The following SLC9A1 variants were observed in gnomAD, a reference collection of about 807,000 sequenced individuals.
SLC9A1 encodes the protein solute carrier family 9 member A1, also known as sodium/hydrogen exchanger 1.
Under a neutral mutation model 67.9 loss-of-function variants are expected in SLC9A1, and 22 were observed. The observed-to-expected ratio is 0.32, with a 90% CI of 0.23 to 0.46. SLC9A1 has a LOEUF of 0.46. Among genes scored for constraint, SLC9A1 ranks in the 20% least tolerant of loss-of-function variants. The pLI, the probability that SLC9A1 is intolerant of heterozygous loss-of-function variation, is 1.00. For synonymous variants in SLC9A1, 421 were observed against 471.8 expected, an observed-to-expected ratio of 0.89 and a Z score of 1.40; for missense variants, 686 against 1,094.8, an observed-to-expected ratio of 0.63 and a Z score of 5.27.
At chr1:27,153,704 T>C (rs1214382504) in intron 1 of SLC9A1, among the ~76,000 whole-genome samples, 4 of 152,214 alleles carry the variant, frequency 2.6e-5, no homozygotes, top group African/African-American at 9.6e-5. Context: ...TTGCCAGTCG[T>C]GGAAGCCTTA....
Position 27,142,642 on chromosome 1 carries a change from G to A in SLC9A1, c.352+11341C>T, listed in dbSNP as rs1557433941. On this transcript the variant is annotated intron_variant, in intron 1 of 11. Transcript: ENST00000263980. ...CTAGCCGCTTTAGGGAAATGGGCAG[G>A]TGGCCTGAGTCACCTACTGTGTGTG... 2.0e-5 allele frequency among the ~76,000 whole-genome samples: 3 copies of A among 152,188 alleles called. No individual in the cohort carries two copies. The South Asian group carries it at 6.2e-4, about 32-fold the overall frequency.
rs137865865 is a variant in SLC9A1 at position 27,144,766 on chromosome 1, T to C, written c.352+9217A>G. 1.7e-3 allele frequency among the ~76,000 whole-genome samples: 253 copies of C among 152,304 alleles called. 1 individual carries two copies. Among genetic ancestry groups the C allele is most frequent in the African/African-American group, 5.6e-3 (232 of 41,564 alleles). ...GCTCACGCCTTTAATCTCCGCACTT[T>C]GGGAGGCCAAGGTGGGTGGATCACC... is the stretch of plus-strand genomic sequence containing the variant. On this transcript the variant is annotated intron_variant, in intron 1 of 11. Transcript: ENST00000263980.
intron 1 of SLC9A1, among the ~76,000 whole-genome samples, chr1:27,130,096 T>TTTTG (rs575973147): frequency 6.7e-4 from 102 of 152,162 alleles, no homozygotes; most frequent in African/African-American, 2.3e-3. Flanking sequence ...TGGTCTTTCA[T>TTTTG]TTTGTTTGTT....
intron 3 of SLC9A1, 28 bp from the exon 4 acceptor site, chr1:27,107,893 C>G (rs1439179593): frequency 6.5e-7 from 1 of 1,528,280 alleles, no homozygotes; most frequent in Admixed American, 1.9e-5. Context: ...GGGGTCAGGG[C>G]TCCGTGTCGA....
chr1:27,110,824 T>C (rs1028544751), intron 2 of SLC9A1, among the ~76,000 whole-genome samples: 3 of 152,098 alleles, frequency 2.0e-5, no homozygotes, highest in African/African-American at 4.8e-5. Context: ...CCTACTCAAG[T>C]CTGTCCTAGA....
intron 1 of SLC9A1, among the ~76,000 whole-genome samples, chr1:27,132,971 C>T (rs899918735): frequency 5.9e-5 from 9 of 152,026 alleles, no homozygotes; most frequent in African/African-American, 1.2e-4. Context: ...CACCTGGCCC[C>T]GTACCATGGA....
In SLC9A1 at chr1:27,109,284, T is replaced by C. The variant is rs147929921; in HGVS notation, c.1064+243A>G. ...TGCTTCATCTGCTCATAGCCTGAAA[T>C]GCCCTCTCCCGATTCCTGGACCCCA... On this transcript the variant is annotated intron_variant, in intron 3 of 11. Coordinates refer to ENST00000263980, the MANE Select transcript of SLC9A1 (RefSeq NM_003047.5). The surrounding 1 kb of genome is among the most constrained non-coding windows in gnomAD (Gnocchi z 5.5). Among the ~76,000 whole-genome samples, 1,433 of 152,256 alleles carry C rather than the reference T, an allele frequency of 9.4e-3. 21 individuals carry two copies. Among genetic ancestry groups the C allele is most frequent in the African/African-American group, 0.03 (1,249 of 41,540 alleles).
At chr1:27,110,475 G>T (rs1317827263) in intron 2 of SLC9A1, among the ~76,000 whole-genome samples, 1 of 152,176 alleles carries the variant, frequency 6.6e-6, no homozygotes, top group Non-Finnish European at 1.5e-5. Context: ...AGATGCTATG[G>T]AATTAGAGGC....
chr1:27,115,478 G>A (rs1201623511), intron 1 of SLC9A1, among the ~76,000 whole-genome samples: 1 of 152,150 alleles, frequency 6.6e-6, no homozygotes, highest in Non-Finnish European at 1.5e-5. Context: ...TATGCTCCCA[G>A]GGTTGGCATA....
chr1:27,146,337 G>C (rs2083485220), intron 1 of SLC9A1, among the ~76,000 whole-genome samples: 1 of 152,188 alleles, frequency 6.6e-6, no homozygotes, highest in Non-Finnish European at 1.5e-5. Context: ...CTCTGAGAAA[G>C]GTTATTTGCT....
At chr1:27,124,957 G>A (rs1364815897) in intron 1 of SLC9A1, among the ~76,000 whole-genome samples, 1 of 152,016 alleles carries the variant, frequency 6.6e-6, no homozygotes, top group Non-Finnish European at 1.5e-5. Flanking sequence ...AAATGCACAG[G>A]AGCTGGGTGC....
At chr1:27,130,011 G>A (rs2083374204) in intron 1 of SLC9A1, among the ~76,000 whole-genome samples, 1 of 152,212 alleles carries the variant, frequency 6.6e-6, no homozygotes, top group South Asian at 2.1e-4. Flanking sequence ...GGGAGCAGGA[G>A]CCCTGGTTTA....
chr1:27,119,042 A>AACACACACACACAC lies in SLC9A1; in HGVS notation c.353-4770_353-4757dup, dbSNP rs35231148. Among the ~76,000 whole-genome samples the AACACACACACACAC allele has an allele frequency of 5.7e-5, 8 of 139,444 alleles. No homozygotes were observed. The East Asian group carries it at 8.7e-4, about 15-fold the overall frequency. The allele number at this position is 139,444 out of a possible 152,430, so 91.5% of individuals were successfully genotyped here. A position where few individuals can be genotyped will look rare whatever the true frequency, so the allele number is the denominator to read the frequency against. On this transcript the variant is annotated intron_variant, in intron 1 of 11. Transcript: ENST00000263980. ...TCTAGTGTAGGTGGTAGCTGGAACG[A>AACACACACACACAC]ACACACACACACACACACACACACA...
At chr1:27,105,592 C>T (rs2083177856) in intron 5 of SLC9A1, 1 of 648,444 alleles carries the variant, frequency 1.5e-6, no homozygotes, top group Non-Finnish European at 2.9e-6. Flanking sequence ...GTCACCGTGC[C>T]CGGCCAGTAC....
In SLC9A1 at chr1:27,147,925, C is replaced by T. The variant is rs561222395; in HGVS notation, c.352+6058G>A. ...AGGAGAATTGCTTGAACCCAAGAGG[C>T]AGAGGTTGCAGTGAGCTGAGATTGC... On this transcript the variant is annotated intron_variant, in intron 1 of 11. Coordinates refer to ENST00000263980, the MANE Select transcript of SLC9A1 (RefSeq NM_003047.5). Among the ~76,000 whole-genome samples the T allele has an allele frequency of 7.2e-5, 11 of 152,036 alleles. No individual in the cohort carries two copies. In the South Asian group the frequency reaches 2.3e-3, roughly 32 times the overall value.
At chr1:27,132,310 G>C (rs964322905) in intron 1 of SLC9A1, among the ~76,000 whole-genome samples, 2 of 152,068 alleles carry the variant, frequency 1.3e-5, no homozygotes, top group African/African-American at 4.8e-5. Flanking sequence ...GGAGAGGAAA[G>C]AACACTGTCC....
At chr1:27,129,767 C>A (rs12093902) in intron 1 of SLC9A1, among the ~76,000 whole-genome samples, 1 of 152,184 alleles carries the variant, frequency 6.6e-6, no homozygotes, top group Admixed American at 6.5e-5. Context: ...GCCAACCCCC[C>A]CATTCCACTC....
chr1:27,142,072 G>T (rs1017951903), intron 1 of SLC9A1, among the ~76,000 whole-genome samples: 6 of 152,230 alleles, frequency 3.9e-5, no homozygotes, highest in African/African-American at 1.2e-4. Context: ...TCTCTGCCAA[G>T]GACAGCTCCC....
At chr1:27,130,009 G>A (rs149129460) in intron 1 of SLC9A1, among the ~76,000 whole-genome samples, 66 of 152,330 alleles carry the variant, frequency 4.3e-4, no homozygotes, top group African/African-American at 1.6e-3. Flanking sequence ...TGGGGAGCAG[G>A]AGCCCTGGTT....
Sources: gnomAD v4.1 joint callset for allele counts (sites outside exome capture counted in the v4.1 genomes callset) on GRCh38, gnomAD v4.1.1 for gene constraint, Gnocchi (gnomAD v3.1) non-coding constraint, MANE v1.5 for transcripts, NCBI Gene and HGNC (gene_info 2026-07-23, HGNC 2026-07-21) for gene names.